The following CUBN variants were observed in gnomAD, a reference collection of about 807,000 sequenced individuals.
CUBN encodes cubilin.
In CUBN, 282 loss-of-function variants were observed where a neutral mutation model predicts 405.3. The ratio of observed to expected loss-of-function variants is 0.70; its 90% confidence interval spans 0.63 to 0.77. CUBN has a LOEUF of 0.77. Among genes scored for constraint, CUBN ranks in the 30% least tolerant of loss-of-function variants. CUBN has a pLI of 0.00. For synonymous variants in CUBN, 1,684 were observed against 1,617.0 expected (o/e 1.04, Z -0.99); for missense variants, 4,514 against 4,475.2 (o/e 1.01, Z -0.25).
At chr10:16,950,657 T>C (rs1246410848) in intron 33 of CUBN, among the ~76,000 whole-genome samples, 1 of 152,148 alleles carries the variant, frequency 6.6e-6, no homozygotes, top group East Asian at 1.9e-4. Context: ...ATAGAATAGA[T>C]GGTTTCCTTT....
chr10:17,058,636 C>T (rs935672303), intron 22 of CUBN, among the ~76,000 whole-genome samples: 2 of 152,046 alleles, frequency 1.3e-5, no homozygotes, highest in African/African-American at 4.8e-5. Context: ...CTTAATGCAT[C>T]TATTTCTTGA....
At chr10:16,948,913 C>T (rs1269588557) in intron 34 of CUBN, among the ~76,000 whole-genome samples, 2 of 152,124 alleles carry the variant, frequency 1.3e-5, no homozygotes, top group Non-Finnish European at 2.9e-5. Context: ...CCCAGTCGGA[C>T]CCATACAAAT....
chr10:17,093,996 T>C (rs147882663), intron 14 of CUBN, among the ~76,000 whole-genome samples: 8 of 152,180 alleles, frequency 5.3e-5, no homozygotes, highest in African/African-American at 1.9e-4. Flanking sequence ...GGCAATGCAA[T>C]ATTTGAAAAA....
chr10:16,960,049 T>C (rs1564448110), intron 31 of CUBN, among the ~76,000 whole-genome samples: 5 of 152,210 alleles, frequency 3.3e-5, no homozygotes, highest in Non-Finnish European at 7.3e-5. Context: ...AAGTGGCCAC[T>C]GTCCCCCAGA....
intron 48 of CUBN, among the ~76,000 whole-genome samples, chr10:16,913,505 G>C (rs1345125846): frequency 6.6e-6 from 1 of 152,180 alleles, no homozygotes; most frequent in African/African-American, 2.4e-5. Flanking sequence ...CCATTCAGCT[G>C]TGTGCTGCTG....
rs1295401431 is a variant in CUBN at position 17,084,304 on chromosome 10, T to C, written c.2268A>G (p.Gln756=). 7 of 1,614,020 alleles carry C rather than the reference T, an allele frequency of 4.3e-6. No individual in the cohort carries two copies. Among genetic ancestry groups the C allele is most frequent in the Admixed American group, 1.7e-5 (1 of 60,004 alleles). ...AATTCTGAGAACTGTCACTCTGGCA[T>C]TGCAGCTCCACGTGGGTGAAGTTGA... ...IQINFTHVEL[Q]CQSDSSQNYI... The change falls in exon 17 of 67, where the codon CAA becomes CAG. Residue 756 remains glutamine (Q), a synonymous_variant. Transcript: ENST00000377833.
At chr10:16,951,843 A>C (rs1191934961) in intron 33 of CUBN, among the ~76,000 whole-genome samples, 1 of 152,200 alleles carries the variant, frequency 6.6e-6, no homozygotes, top group Non-Finnish European at 1.5e-5. Context: ...CTGATTCTCC[A>C]GTCTGTGACT....
chr10:16,906,158 A>T (rs1841547525), intron 50 of CUBN, 45 bp downstream of exon 50: 2 of 1,406,660 alleles, frequency 1.4e-6, no homozygotes, highest in Non-Finnish European at 2.0e-6. Flanking sequence ...AGATAAAAAG[A>T]ATATTGTAGA....
intron 14 of CUBN, among the ~76,000 whole-genome samples, chr10:17,090,982 C>T (rs1836245084): frequency 6.6e-6 from 1 of 152,096 alleles, no homozygotes; most frequent in Non-Finnish European, 1.5e-5. Flanking sequence ...ACACCCAGTA[C>T]CAATAGCCAT....
At chr10:16,846,868 G>A (rs941022504) in intron 60 of CUBN, among the ~76,000 whole-genome samples, 34 of 151,874 alleles carry the variant, frequency 2.2e-4, no homozygotes, top group African/African-American at 8.2e-4. Flanking sequence ...TGGGGTTGAG[G>A]AAAAACTGGG....
At chr10:17,061,132 A>C (rs1835497055) in intron 22 of CUBN, among the ~76,000 whole-genome samples, 1 of 152,154 alleles carries the variant, frequency 6.6e-6, no homozygotes. Flanking sequence ...ATTAGTATCA[A>C]GGCTGAGAGT....
intron 11 of CUBN, among the ~76,000 whole-genome samples, chr10:17,105,238 G>C (rs1342081296): frequency 6.6e-6 from 1 of 152,106 alleles, no homozygotes; most frequent in Non-Finnish European, 1.5e-5. Context: ...TGCAGGCGTA[G>C]TTTTAGTACT....
intron 38 of CUBN, among the ~76,000 whole-genome samples, chr10:16,938,584 G>C (rs1588499803): frequency 6.6e-6 from 1 of 152,018 alleles, no homozygotes; most frequent in Non-Finnish European, 1.5e-5. Flanking sequence ...GGATAGCAAT[G>C]ATCACCATGA....
intron 36 of CUBN, among the ~76,000 whole-genome samples, chr10:16,945,176 T>C (rs1435557609): frequency 6.6e-6 from 1 of 151,952 alleles, no homozygotes; most frequent in African/African-American, 2.4e-5. Context: ...ACAATGTGAA[T>C]GTGGTAGAGA....
At chr10:16,883,409 G>T (rs1840719571) in intron 56 of CUBN, among the ~76,000 whole-genome samples, 1 of 152,124 alleles carries the variant, frequency 6.6e-6, no homozygotes, top group African/African-American at 2.4e-5. Context: ...ATTTCAAAAG[G>T]ACCACTGCCC....
At chr10:16,964,918 C>T (rs1206798732) in intron 31 of CUBN, among the ~76,000 whole-genome samples, 1 of 152,222 alleles carries the variant, frequency 6.6e-6, no homozygotes, top group Admixed American at 6.5e-5. Context: ...GACATCATCT[C>T]TTCCATGTTC....
rs1329209040 is a variant in CUBN at position 17,105,512 on chromosome 10, C to G, written c.1175G>C (p.Cys392Ser). Residue 392 changes from cysteine (C) to serine (S), a missense_variant, in exon 11 of 67, where the codon TGT becomes TCT. Coordinates refer to ENST00000377833, the MANE Select transcript of CUBN (RefSeq NM_001081.4). ...YTGNGYGPNG[C>S]VQLSNICLSH... is the part of the protein sequence containing the mutation. ...TAGGCAAATATTACTGAGCTGCACA[C>G]ATCCATTTGGCCCATAACCATTTCC... The G allele has an allele frequency of 1.9e-6, 3 of 1,612,134 alleles. No individual in the cohort carries two copies. In the Admixed American group the frequency reaches 5.0e-5, roughly 27 times the overall value.
intron 38 of CUBN, among the ~76,000 whole-genome samples, chr10:16,938,170 A>G (rs1178153786): frequency 6.6e-6 from 1 of 152,150 alleles, no homozygotes; most frequent in Non-Finnish European, 1.5e-5. Flanking sequence ...GGAAAATAAC[A>G]AGAAGAGAAA....
intron 13 of CUBN, among the ~76,000 whole-genome samples, 167 bp from the exon 14 acceptor site, chr10:17,100,406 T>C (rs1455555703): frequency 6.6e-6 from 1 of 152,184 alleles, no homozygotes; most frequent in Non-Finnish European, 1.5e-5. Flanking sequence ...AAATAACTTG[T>C]GCTAAATATT....
Sources: allele counts gnomAD v4.1 joint callset (sites outside exome capture counted in the v4.1 genomes callset), GRCh38; gene constraint gnomAD v4.1.1; transcripts MANE v1.5; gene names NCBI Gene and HGNC (gene_info 2026-07-23, HGNC 2026-07-21).